ASCC3: variants seen among roughly 807,000 people sequenced by gnomAD.
ASCC3 encodes activating signal cointegrator 1 complex subunit 3.
In ASCC3, 158 loss-of-function variants were observed where a neutral mutation model predicts 256.3. That is an observed-to-expected ratio of 0.62 (90% CI 0.54 to 0.70). ASCC3 has a LOEUF of 0.70. ASCC3 is among the 30% of genes least tolerant of loss of function. The pLI is 0.00. For synonymous variants in ASCC3, 948 were observed against 883.4 expected (o/e 1.07, Z -1.30); for missense variants, 2,259 against 2,626.0 (o/e 0.86, Z 3.05).
At chr6:100,837,855 G>T (rs1410518701) in intron 4 of ASCC3, among the ~76,000 whole-genome samples, 1 of 151,774 alleles carries the variant, frequency 6.6e-6, no homozygotes, top group Non-Finnish European at 1.5e-5. Flanking sequence ...ATATTGTGTT[G>T]GGTATTTCAA....
intron 8 of ASCC3, among the ~76,000 whole-genome samples, chr6:100,773,554 C>T (rs535182446): frequency 3.3e-5 from 5 of 152,190 alleles, no homozygotes; most frequent in Admixed American, 1.3e-4. Flanking sequence ...AAGGAACTAC[C>T]GTAGCTTCTC....
In ASCC3 at chr6:100,721,200, C is replaced by A. The variant is rs372723001; in HGVS notation, c.1903-2949G>T. 6.6e-5 allele frequency among the ~76,000 whole-genome samples: 10 copies of A among 151,706 alleles called. No homozygotes were observed. In the East Asian group the frequency reaches 1.7e-3, roughly 26 times the overall value. The stretch of plus-strand genomic sequence containing the variant: ...CTATAACAGTAAAATCCCTTGTAAT[C>A]ATGAATGATAGACCTCTTGGAAAAT... On this transcript the variant is annotated intron_variant, in intron 11 of 41. Coordinates refer to ENST00000369162, the MANE Select transcript of ASCC3 (RefSeq NM_006828.4).
chr6:100,511,178 G>A (rs117366009), intron 40 of ASCC3, among the ~76,000 whole-genome samples: 11,251 of 152,140 alleles, frequency 0.074, 618 homozygotes, highest in African/African-American at 0.15. Context: ...AGTGGGTCAC[G>A]CCTGTAATCC....
intron 4 of ASCC3, among the ~76,000 whole-genome samples, chr6:100,828,402 T>G (rs577904615): frequency 6.6e-6 from 1 of 152,258 alleles, no homozygotes; most frequent in African/African-American, 2.4e-5. Flanking sequence ...TTCCAGTGGG[T>G]GTCTGAAAAC....
chr6:100,609,961 T>C (rs1773309685), intron 30 of ASCC3, among the ~76,000 whole-genome samples: 1 of 152,142 alleles, frequency 6.6e-6, no homozygotes. Context: ...CAGATAGTTC[T>C]CTGTCCTTGA....
At position 100,606,880 on chromosome 6, in the gene ASCC3, AT is replaced by A; in HGVS notation, c.4924-21del. On this transcript the variant is annotated intron_variant, in intron 31 of 41. Coordinates refer to ENST00000369162, the MANE Select transcript of ASCC3 (RefSeq NM_006828.4). ...AAGAACCTAAAAAGCAAAATAAAAT[AT>A]CTTATATCTAAGTAAAATATAACTT... is the stretch of plus-strand genomic sequence containing the variant. The A allele has an allele frequency of 6.2e-7, 1 of 1,607,658 alleles. No individual in the cohort carries two copies. Among genetic ancestry groups the A allele is most frequent in the Non-Finnish European group, 8.5e-7 (1 of 1,176,544 alleles).
chr6:100,708,927 AT>A (rs1778737828), intron 13 of ASCC3, among the ~76,000 whole-genome samples: 1 of 152,044 alleles, frequency 6.6e-6, no homozygotes, highest in Non-Finnish European at 1.5e-5. Context: ...TGTTATTGCA[AT>A]CGTGATTTAG....
At chr6:100,639,545 T>C (rs1277538196) in intron 24 of ASCC3, among the ~76,000 whole-genome samples, 1 of 152,198 alleles carries the variant, frequency 6.6e-6, no homozygotes, top group Non-Finnish European at 1.5e-5. Context: ...CTCAAGATTA[T>C]TTCATGAAAG....
chr6:100,550,369 C>T (rs1396782050), intron 36 of ASCC3, among the ~76,000 whole-genome samples: 2 of 151,884 alleles, frequency 1.3e-5, no homozygotes, highest in Non-Finnish European at 2.9e-5. Context: ...TGTAGGTCAA[C>T]TTAATTACAT....
At position 100,730,300 on chromosome 6, in the gene ASCC3, A is replaced by C. The variant is rs568393832; in HGVS notation, c.1738-4597T>G. ...AGACAGGGCAAGACTCCATCTCTGA[A>C]AACAAAACAAAACAAAACAAAACAA... is the stretch of plus-strand genomic sequence containing the variant. On this transcript the variant is annotated intron_variant, in intron 10 of 41. Transcript: ENST00000369162. Among the ~76,000 whole-genome samples, 434 of 151,602 alleles carry C rather than the reference A, an allele frequency of 2.9e-3. 1 individual carries two copies. Among genetic ancestry groups the C allele is most frequent in the African/African-American group, 0.01 (418 of 41,394 alleles).
chr6:100,540,066 G>T, intron 37 of ASCC3, 97 bp downstream of exon 37: 4 of 1,095,160 alleles, frequency 3.7e-6, no homozygotes, highest in Non-Finnish European at 5.5e-6. Context: ...CTACCATAAA[G>T]TTGTTAAATG....
At chr6:100,546,546 T>C (rs1293762514) in intron 36 of ASCC3, among the ~76,000 whole-genome samples, 1 of 152,154 alleles carries the variant, frequency 6.6e-6, no homozygotes, top group Non-Finnish European at 1.5e-5. Context: ...CGTGCTTGCA[T>C]GTAGGACAAC....
At chr6:100,586,459 C>T (rs189398003) in intron 36 of ASCC3, among the ~76,000 whole-genome samples, 50 of 152,244 alleles carry the variant, frequency 3.3e-4, no homozygotes, top group African/African-American at 7.7e-4. Flanking sequence ...CGGGTGGGAG[C>T]GACCCGATTT....
chr6:100,760,066 T>C (rs1004687384), intron 10 of ASCC3, among the ~76,000 whole-genome samples: 3 of 152,104 alleles, frequency 2.0e-5, no homozygotes, highest in African/African-American at 7.2e-5. Flanking sequence ...GAGCTGATAG[T>C]GTTTTCTAAA....
At chr6:100,751,019 T>A (rs1049596225) in intron 10 of ASCC3, among the ~76,000 whole-genome samples, 1 of 152,046 alleles carries the variant, frequency 6.6e-6, no homozygotes, top group Non-Finnish European at 1.5e-5. Context: ...GCTCCCCTAA[T>A]TCAAACTCTA....
chr6:100,588,387 T>C (rs1319856167), intron 36 of ASCC3, among the ~76,000 whole-genome samples: 1 of 152,150 alleles, frequency 6.6e-6, no homozygotes, highest in Non-Finnish European at 1.5e-5. Context: ...AATTAACCAT[T>C]ATTTTGCTGC....
Position 100,646,714 on chromosome 6 carries a change from C to T in ASCC3, c.3534G>A (p.Gln1178=). 1.2e-6 allele frequency: 2 copies of T among 1,613,944 alleles called. No homozygotes were observed. The highest frequency in any genetic ancestry group is 1.7e-6 in the Non-Finnish European group (2 of 1,179,882). ...ATGCTTCCATCATAACAGAAGGAATCTGATGAACACATTGTTTGACCTTCA... is the reference window on the plus strand; with the variant it reads ...ATGCTTCCATCATAACAGAAGGAATTTGATGAACACATTGTTTGACCTTCA... ...IGLKVKQCVH[Q]IPSVMMEASI... Residue 1178 remains glutamine, a synonymous_variant, in exon 22 of 42, where the codon CAG becomes CAA. Transcript: ENST00000369162.
chr6:100,532,403 TA>T (rs1375064532), intron 37 of ASCC3, among the ~76,000 whole-genome samples: 657 of 36,236 alleles, frequency 0.018, 4 homozygotes, highest in Non-Finnish European at 0.025. Flanking sequence ...TATATATATA[TA>T]TATTTTTTTT....
intron 1 of ASCC3, among the ~76,000 whole-genome samples, chr6:100,869,079 C>G (rs1483737095): frequency 6.6e-6 from 1 of 152,258 alleles, no homozygotes; most frequent in East Asian, 1.9e-4. Context: ...TAAAACATCC[C>G]AGCTAGGAAT....
Sources: allele counts gnomAD v4.1 joint callset (sites outside exome capture counted in the v4.1 genomes callset), GRCh38; gene constraint gnomAD v4.1.1; transcripts MANE v1.5; gene names NCBI Gene and HGNC (gene_info 2026-07-23, HGNC 2026-07-21).